Variants in ANO3 observed in about 807,000 individuals in gnomAD.
The protein encoded by ANO3 is anoctamin-3.
ANO3 carries 99 observed loss-of-function variants against 144.8 expected under a neutral mutation model. The ratio of observed to expected loss-of-function variants is 0.68; its 90% CI spans 0.58 to 0.81. The LOEUF (loss-of-function observed/expected upper bound fraction) is 0.81, where lower values mean the gene tolerates loss of function less well. Ranked by LOEUF, ANO3 falls within the 30% of genes least tolerant of loss-of-function variation. The probability of loss-of-function intolerance (pLI) is 0.00; values close to 1 mark genes in which losing one functional copy is unlikely to be tolerated. For synonymous variants in ANO3, 414 were observed against 392.6 expected (o/e 1.05, Z -0.64); for missense variants, 905 against 1,202.2 (o/e 0.75, Z 3.66).
intron 1 of ANO3, among the ~76,000 whole-genome samples, chr11:26,353,481 T>C (rs1455123162): frequency 2.0e-5 from 3 of 152,218 alleles, no homozygotes; most frequent in Non-Finnish European, 2.9e-5. Context: ...TTACTTGGAA[T>C]CTATCCAATT....
chr11:26,263,530 C>T (rs1055513015), intron 1 of ANO3, among the ~76,000 whole-genome samples: 3 of 152,204 alleles, frequency 2.0e-5, no homozygotes, highest in Non-Finnish European at 4.4e-5. Context: ...GCTTCGCCAT[C>T]TCCTGCCTAG....
chr11:26,297,210 T>C (rs1403556303), intron 1 of ANO3, among the ~76,000 whole-genome samples: 1 of 151,896 alleles, frequency 6.6e-6, no homozygotes, highest in Non-Finnish European at 1.5e-5. Flanking sequence ...TGTGTGTGTG[T>C]GAATTTCTTT....
At chr11:26,244,204 A>T (rs1852732289) in intron 1 of ANO3, among the ~76,000 whole-genome samples, 1 of 152,158 alleles carries the variant, frequency 6.6e-6, no homozygotes, top group Non-Finnish European at 1.5e-5. Flanking sequence ...ACTATCTTCC[A>T]AACATGTAGT....
At chr11:26,287,671 G>A (rs1408333561) in intron 1 of ANO3, 3 of 152,128 alleles carry the variant, frequency 2.0e-5, no homozygotes, top group Non-Finnish European at 2.9e-5. Flanking sequence ...GTTAATAATC[G>A]GTGAAACCAG....
At chr11:26,394,570 C>CTTTTTTTTTTTTTTTTTTTTTTT (rs56118844) in intron 1 of ANO3, among the ~76,000 whole-genome samples, 4 of 115,750 alleles carry the variant, frequency 3.5e-5, no homozygotes, top group Non-Finnish European at 1.8e-5. Flanking sequence ...ATTTCATTTT[C>CTTTTTTTTTTTTTTTTTTTTTTT]TTTTTTTTTT....
chr11:26,259,125 A>G (rs933282948), intron 1 of ANO3, among the ~76,000 whole-genome samples: 2 of 152,206 alleles, frequency 1.3e-5, no homozygotes, highest in African/African-American at 4.8e-5. Context: ...TGGTTCTAAG[A>G]AAATAAAATC....
chr11:26,244,435 A>G (rs941742967), intron 1 of ANO3, among the ~76,000 whole-genome samples: 10 of 152,122 alleles, frequency 6.6e-5, no homozygotes, highest in African/African-American at 2.4e-4. Flanking sequence ...AAATCTTTGG[A>G]TTATTTTTAT....
At chr11:26,614,544 A>G (rs1459100739) in intron 17 of ANO3, among the ~76,000 whole-genome samples, 2 of 152,140 alleles carry the variant, frequency 1.3e-5, no homozygotes, top group Non-Finnish European at 2.9e-5. Context: ...AGCCTAGGTC[A>G]CAGTGGTGGG....
At chr11:26,359,519 C>G (rs1440086705) in intron 1 of ANO3, among the ~76,000 whole-genome samples, 1 of 151,940 alleles carries the variant, frequency 6.6e-6, no homozygotes, top group African/African-American at 2.4e-5. Flanking sequence ...GCTATTCTGA[C>G]AACTTAAGGG....
chr11:26,659,141 G>T (rs1853797354), intron 26 of ANO3, among the ~76,000 whole-genome samples: 1 of 149,012 alleles, frequency 6.7e-6, no homozygotes, highest in Non-Finnish European at 1.5e-5. Flanking sequence ...TATGTATATT[G>T]TGTATGTGTA....
intron 1 of ANO3, among the ~76,000 whole-genome samples, chr11:26,216,237 A>G (rs1295975377): frequency 2.0e-5 from 3 of 152,038 alleles, no homozygotes; most frequent in Non-Finnish European, 2.9e-5. Context: ...ACAAATGCAT[A>G]ATAGCATGTA....
intron 5 of ANO3, among the ~76,000 whole-genome samples, chr11:26,509,498 A>C (rs1861572260): frequency 6.6e-6 from 1 of 151,990 alleles, no homozygotes. Context: ...TTTTTAGTAG[A>C]GACGGGGTTT....
intron 14 of ANO3, among the ~76,000 whole-genome samples, chr11:26,577,834 T>C (rs532324633): frequency 3.3e-5 from 5 of 152,190 alleles, no homozygotes; most frequent in Admixed American, 1.3e-4. Context: ...AGTATAATGA[T>C]TGCCCATTAG....
At chr11:26,254,398 C>G (rs12225764) in intron 1 of ANO3, among the ~76,000 whole-genome samples, 2,796 of 152,182 alleles carry the variant, frequency 0.018, 69 homozygotes, top group East Asian at 0.12. Context: ...GGCCAGATAA[C>G]TTGTTTTTGA....
intron 5 of ANO3, among the ~76,000 whole-genome samples, chr11:26,513,110 A>G (rs1369371070): frequency 6.6e-6 from 1 of 152,204 alleles, no homozygotes; most frequent in African/African-American, 2.4e-5. Context: ...AGAACCGACA[A>G]GAACTAGCAA....
intron 3 of ANO3, 142 bp downstream of exon 3, chr11:26,443,978 G>A (rs765930620): frequency 1.9e-4 from 90 of 474,774 alleles, no homozygotes; most frequent in Non-Finnish European, 3.0e-4. Context: ...AATATTCTGA[G>A]GTTAAGAAAT....
chr11:26,648,336 G>A (rs990518935), intron 24 of ANO3, among the ~76,000 whole-genome samples: 1 of 152,004 alleles, frequency 6.6e-6, no homozygotes, highest in Non-Finnish European at 1.5e-5. Flanking sequence ...GGGTTTTAAG[G>A]ACGCAAAAAA....
At chr11:26,509,452 A>G (rs1480089393) in intron 5 of ANO3, among the ~76,000 whole-genome samples, 1 of 151,988 alleles carries the variant, frequency 6.6e-6, no homozygotes, top group Non-Finnish European at 1.5e-5. Context: ...AGCTGGAATT[A>G]CAGGAACCGA....
chr11:26,499,927 GA>G (rs1861124548), intron 4 of ANO3, among the ~76,000 whole-genome samples: 3 of 151,748 alleles, frequency 2.0e-5, no homozygotes, highest in Admixed American at 2.0e-4. Flanking sequence ...TGATTCCCTA[GA>G]AAGAAACCCT....
Sources: allele counts gnomAD v4.1 joint callset (sites outside exome capture counted in the v4.1 genomes callset), GRCh38; gene constraint gnomAD v4.1.1; transcripts MANE v1.5; gene names NCBI Gene and HGNC (gene_info 2026-07-23, HGNC 2026-07-21).